The following ZBTB20 variants were observed in gnomAD, a reference collection of about 807,000 sequenced individuals.
ZBTB20 encodes zinc finger and BTB domain-containing protein 20.
ZBTB20 carries 9 observed loss-of-function variants against 56.9 expected under a neutral mutation model. The ratio of observed to expected loss-of-function variants is 0.16; its 90% CI spans 0.10 to 0.28. The LOEUF is 0.28. ZBTB20 is among the 10% of genes least tolerant of loss of function. The pLI is 1.00. For missense variants in ZBTB20, 655 were observed against 1,003.0 expected, an observed-to-expected ratio of 0.65 and a Z score of 4.69; for synonymous variants, 417 against 420.7, an observed-to-expected ratio of 0.99 and a Z score of 0.11.
intron 4 of ZBTB20, among the ~76,000 whole-genome samples, chr3:114,889,827 A>C (rs2076737993): frequency 6.6e-6 from 1 of 152,158 alleles, no homozygotes; most frequent in Non-Finnish European, 1.5e-5. Flanking sequence ...AATCTGCAAT[A>C]ACTAGAGCAA....
intron 6 of ZBTB20, among the ~76,000 whole-genome samples, chr3:114,685,633 C>T (rs530218756): frequency 6.6e-6 from 1 of 152,252 alleles, no homozygotes; most frequent in African/African-American, 2.4e-5. Context: ...TTCATTCAGT[C>T]CATTAATTTC....
chr3:115,038,598 T>C (rs1022906363), intron 2 of ZBTB20, among the ~76,000 whole-genome samples: 5 of 152,162 alleles, frequency 3.3e-5, no homozygotes, highest in Non-Finnish European at 7.4e-5. Flanking sequence ...TACATTTTCC[T>C]TGAATTTTTA....
At chr3:115,044,584 T>C (rs1216871017) in intron 2 of ZBTB20, among the ~76,000 whole-genome samples, 1 of 152,248 alleles carries the variant, frequency 6.6e-6, no homozygotes, top group Non-Finnish European at 1.5e-5. Flanking sequence ...TTATTATCTA[T>C]ATCAGTGATT....
chr3:114,984,522 A>G (rs928054393), intron 2 of ZBTB20, among the ~76,000 whole-genome samples: 1 of 152,016 alleles, frequency 6.6e-6, no homozygotes, highest in East Asian at 1.9e-4. Context: ...TGACATTCCA[A>G]ATAAGCTTCT....
At chr3:115,071,001 A>G (rs1263105399) in intron 2 of ZBTB20, among the ~76,000 whole-genome samples, 1 of 151,602 alleles carries the variant, frequency 6.6e-6, no homozygotes, top group Non-Finnish European at 1.5e-5. Flanking sequence ...AAAAAAAAAG[A>G]TAATAATAAT....
rs560883979 is a variant in ZBTB20 at position 114,548,744 on chromosome 3, C to T, written c.-294-48353G>A. On this transcript the variant is annotated intron_variant, in intron 6 of 11. Transcript: ENST00000675478. ...ATATTGGCCAGGCTGGTCTCAAATG[C>T]CTGGCCTCAAGTGATCCACCTGCCT... is the stretch of plus-strand genomic sequence containing the variant. Among the ~76,000 whole-genome samples the T allele has an allele frequency of 1.8e-4, 27 of 152,228 alleles. No homozygotes were observed. In the South Asian group the frequency reaches 5.2e-3, roughly 29 times the overall value.
In ZBTB20 at chr3:114,324,023, C is replaced by G. The variant is rs375804716; in HGVS notation, c.*14982G>C. The G allele has an allele frequency of 6.6e-6, 1 of 152,144 alleles. No homozygotes were observed. The highest frequency in any genetic ancestry group is 6.5e-5 in the Admixed American group (1 of 15,274). 9.4% of individuals were successfully genotyped at this position (152,144 alleles called of 1,614,324 possible). A position where few individuals can be genotyped will look rare whatever the true frequency, so the allele number is the denominator to read the frequency against. ...GCTCTTACAAAGGTTACCAGTGCTA[C>G]GAAGGTGGGAAATTCAGTCTATCTC... On this transcript the variant is annotated 3_prime_UTR_variant, in exon 12 of 12. Transcript: ENST00000675478.
At chr3:115,002,751 C>T (rs1268275297) in intron 2 of ZBTB20, among the ~76,000 whole-genome samples, 5 of 151,556 alleles carry the variant, frequency 3.3e-5, no homozygotes, top group African/African-American at 9.7e-5. Flanking sequence ...ATGCAAAATG[C>T]TATTTGGCAC....
At chr3:115,144,655 A>T (rs2084912787) in intron 1 of ZBTB20, among the ~76,000 whole-genome samples, 1 of 152,166 alleles carries the variant, frequency 6.6e-6, no homozygotes. Context: ...GTAGCTAGTC[A>T]ATGTACACAT....
intron 6 of ZBTB20, among the ~76,000 whole-genome samples, chr3:114,566,019 T>C (rs1406271682): frequency 1.3e-5 from 2 of 151,962 alleles, no homozygotes; most frequent in Non-Finnish European, 2.9e-5. Context: ...TTTTTCTTTT[T>C]TTAAAAGAAA....
intron 5 of ZBTB20, among the ~76,000 whole-genome samples, chr3:114,722,015 C>T (rs570325990): frequency 3.9e-5 from 6 of 152,266 alleles, no homozygotes; most frequent in African/African-American, 1.4e-4. Flanking sequence ...TTTCTAGTTT[C>T]ACTAATGTAT....
intron 3 of ZBTB20, among the ~76,000 whole-genome samples, chr3:114,945,145 A>G (rs2076842938): frequency 6.9e-6 from 1 of 145,542 alleles, no homozygotes. Flanking sequence ...ATATATATAC[A>G]CAAAAAAGTA....
intron 7 of ZBTB20, among the ~76,000 whole-genome samples, chr3:114,431,669 A>C (rs1484625458): frequency 6.6e-6 from 1 of 152,178 alleles, no homozygotes; most frequent in Non-Finnish European, 1.5e-5. Context: ...ACCAACAATA[A>C]AAAGGACACA....
chr3:115,017,862 C>T (rs1191102135), intron 2 of ZBTB20, among the ~76,000 whole-genome samples: 1 of 151,412 alleles, frequency 6.6e-6, no homozygotes, highest in African/African-American at 2.4e-5. Context: ...TACATATATA[C>T]AACACATATG....
intron 6 of ZBTB20, among the ~76,000 whole-genome samples, chr3:114,618,368 C>T (rs913026025): frequency 3.3e-5 from 5 of 151,324 alleles, no homozygotes; most frequent in African/African-American, 1.2e-4. Flanking sequence ...GGGATCCTCC[C>T]ATCTCAGCCT....
chr3:114,858,525 CGTGT>C (rs145263695), intron 4 of ZBTB20, among the ~76,000 whole-genome samples: 3,656 of 146,934 alleles, frequency 0.025, 52 homozygotes, highest in South Asian at 0.052. Flanking sequence ...TGCGTGTATT[CGTGT>C]GTGTGTGTGT....
chr3:114,654,061 T>C (rs929262608), intron 6 of ZBTB20, among the ~76,000 whole-genome samples: 14 of 151,904 alleles, frequency 9.2e-5, no homozygotes, highest in Admixed American at 9.2e-4. Context: ...ATATTCATGT[T>C]TTGCTTTCAT....
intron 7 of ZBTB20, among the ~76,000 whole-genome samples, chr3:114,450,592 T>TC (rs2091545264): frequency 1.3e-5 from 2 of 152,124 alleles, no homozygotes; most frequent in African/African-American, 4.8e-5. Flanking sequence ...ACTATGGGTT[T>TC]AAAGAATGTA....
intron 2 of ZBTB20, among the ~76,000 whole-genome samples, chr3:115,068,803 T>C (rs981376433): frequency 3.9e-5 from 6 of 152,116 alleles, no homozygotes; most frequent in African/African-American, 1.4e-4. Context: ...TCCACTTTGC[T>C]ACCTACTTGC....
Sources: allele counts gnomAD v4.1 joint callset (sites outside exome capture counted in the v4.1 genomes callset), GRCh38; gene constraint gnomAD v4.1.1; transcripts MANE v1.5; gene names NCBI Gene and HGNC (gene_info 2026-07-23, HGNC 2026-07-21).